COX7B2: variants seen among roughly 807,000 people sequenced by gnomAD.
The protein encoded by COX7B2 is cytochrome c oxidase subunit 7B2, mitochondrial.
For missense variants in COX7B2, 109 were observed against 95.9 expected, an observed-to-expected ratio of 1.14 and a Z score of -0.57; for synonymous variants, 37 against 32.1, an observed-to-expected ratio of 1.15 and a Z score of -0.51.
chr4:46,753,265 C>T (rs1715518104), intron 2 of COX7B2, among the ~76,000 whole-genome samples: 1 of 151,898 alleles, frequency 6.6e-6, no homozygotes, highest in Non-Finnish European at 1.5e-5. Context: ...GTGGTGATAT[C>T]CCCTTTATCA....
intron 2 of COX7B2, among the ~76,000 whole-genome samples, chr4:46,804,254 C>G (rs1022853596): frequency 1.3e-5 from 2 of 152,134 alleles, no homozygotes; most frequent in African/African-American, 2.4e-5. Flanking sequence ...AAAGAGTGAG[C>G]AGTAGCAAGA....
intron 2 of COX7B2, among the ~76,000 whole-genome samples, chr4:46,804,049 C>A (rs1303788209): frequency 6.6e-6 from 1 of 151,976 alleles, no homozygotes; most frequent in Non-Finnish European, 1.5e-5. Flanking sequence ...TTTGGAGTTT[C>A]TTTTTTCTGG....
intron 1 of COX7B2, among the ~76,000 whole-genome samples, chr4:46,868,364 G>A (rs891554160): frequency 1.3e-5 from 2 of 151,962 alleles, no homozygotes; most frequent in African/African-American, 4.8e-5. Flanking sequence ...TCTGCCTCTC[G>A]ATTTCCTTCA....
chr4:46,750,195 T>TACACACACAAACACACAC (rs1715268125), intron 2 of COX7B2, among the ~76,000 whole-genome samples: 3 of 113,856 alleles, frequency 2.6e-5, no homozygotes, highest in African/African-American at 1.0e-4. Flanking sequence ...ATCCCATCTC[T>TACACACACAAACACACAC]ACACACACAC....
At chr4:46,785,413 A>T (rs6820969) in intron 2 of COX7B2, among the ~76,000 whole-genome samples, 1 of 149,500 alleles carries the variant, frequency 6.7e-6, no homozygotes, top group African/African-American at 2.5e-5. Flanking sequence ...TTGCTCTGTC[A>T]CCCAGACTGG....
intron 2 of COX7B2, among the ~76,000 whole-genome samples, chr4:46,795,475 G>T (rs1357801822): frequency 5.2e-5 from 7 of 135,186 alleles, no homozygotes; most frequent in Non-Finnish European, 1.1e-4. Context: ...CCCATTGCTT[G>T]TTTTTCTCAG....
chr4:46,852,853 T>C (rs911362445), intron 1 of COX7B2, among the ~76,000 whole-genome samples: 4 of 152,168 alleles, frequency 2.6e-5, no homozygotes, highest in Non-Finnish European at 5.9e-5. Flanking sequence ...TTTTTGCTTT[T>C]CTGTGCTTTG....
chr4:46,813,391 T>C (rs1719384530), intron 2 of COX7B2, among the ~76,000 whole-genome samples: 1 of 152,106 alleles, frequency 6.6e-6, no homozygotes, highest in African/African-American at 2.4e-5. Context: ...ACAAAGATGT[T>C]ATATGGAACA....
intron 1 of COX7B2, among the ~76,000 whole-genome samples, chr4:46,864,397 A>G (rs1438380663): frequency 1.3e-5 from 2 of 152,146 alleles, no homozygotes; most frequent in East Asian, 1.9e-4. Context: ...GAAGCCAACA[A>G]CTGAAGGGAG....
rs188387876 is a variant in COX7B2 at position 46,791,024 on chromosome 4, C to G, written c.-50+53936G>C. Among the ~76,000 whole-genome samples, 186 of 152,196 alleles carry G rather than the reference C, an allele frequency of 1.2e-3. 1 individual carries two copies. The highest frequency in any genetic ancestry group is 4.2e-3 in the African/African-American group (176 of 41,546). On this transcript the variant is annotated intron_variant, in intron 2 of 2. Coordinates refer to ENST00000355591, the MANE Select transcript of COX7B2 (RefSeq NM_130902.3). ...TTTGTTTGTCTGTCTGTTTGAGACA[C>G]AATCTTGCTCTGCCACCCAGGCTGG...
chr4:46,883,117 G>A (rs1718853336), intron 1 of COX7B2, among the ~76,000 whole-genome samples: 1 of 152,064 alleles, frequency 6.6e-6, no homozygotes, highest in South Asian at 2.1e-4. Flanking sequence ...TAATATGTAA[G>A]ACTGAATCAT....
chr4:46,845,988 A>C (rs114559134), intron 1 of COX7B2, among the ~76,000 whole-genome samples: 4 of 152,166 alleles, frequency 2.6e-5, no homozygotes, highest in Admixed American at 2.6e-4. Context: ...CTTTACCCCC[A>C]TTAGGGCTGG....
chr4:46,905,604 T>C (rs1171539561), intron 1 of COX7B2, among the ~76,000 whole-genome samples: 1 of 152,200 alleles, frequency 6.6e-6, no homozygotes, highest in East Asian at 1.9e-4. Flanking sequence ...GAATGACATT[T>C]GAGACATTCC....
chr4:46,753,610 C>G (rs1210835993), intron 2 of COX7B2, among the ~76,000 whole-genome samples: 8 of 151,948 alleles, frequency 5.3e-5, no homozygotes, highest in Admixed American at 3.3e-4. Context: ...CATAAAAACC[C>G]TAGAAGAAAA....
At chr4:46,881,001 A>AAAAAAAAAAT (rs1553896924) in intron 1 of COX7B2, among the ~76,000 whole-genome samples, 2 of 150,740 alleles carry the variant, frequency 1.3e-5, no homozygotes, top group South Asian at 4.2e-4. Flanking sequence ...AATAAAAAAA[A>AAAAAAAAAAT]AAAAAAAAAA....
intron 2 of COX7B2, among the ~76,000 whole-genome samples, chr4:46,755,007 T>C (rs1306285099): frequency 6.7e-6 from 1 of 149,980 alleles, no homozygotes; most frequent in African/African-American, 2.4e-5. Context: ...AAAGAAAACA[T>C]GCAGTGATGA....
intron 1 of COX7B2, among the ~76,000 whole-genome samples, chr4:46,865,126 G>A (rs1717587409): frequency 6.6e-6 from 1 of 152,070 alleles, no homozygotes. Flanking sequence ...CCCCTTCTGA[G>A]TATTATATTA....
intron 1 of COX7B2, among the ~76,000 whole-genome samples, chr4:46,901,204 C>T (rs1290608334): frequency 6.6e-6 from 1 of 152,102 alleles, no homozygotes. Context: ...GTGATATAAC[C>T]TGTCATACAC....
intron 1 of COX7B2, among the ~76,000 whole-genome samples, chr4:46,862,223 T>C (rs569518384): frequency 7.9e-5 from 12 of 152,360 alleles, no homozygotes; most frequent in Admixed American, 5.9e-4. Flanking sequence ...TAAAAACTAC[T>C]TTACCCAAGT....
Sources: gnomAD v4.1 joint callset for allele counts (sites outside exome capture counted in the v4.1 genomes callset) on GRCh38, gnomAD v4.1.1 for gene constraint, MANE v1.5 for transcripts, NCBI Gene and HGNC (gene_info 2026-07-23, HGNC 2026-07-21) for gene names.